ATXN2: variants seen among roughly 807,000 people sequenced by gnomAD.
ATXN2 encodes the protein ataxin 2, also known as ataxin-2.
A neutral mutation model predicts 138.6 loss-of-function variants in ATXN2; 37 were observed. The ratio of observed to expected loss-of-function variants is 0.27; its 90% confidence interval spans 0.21 to 0.35. The LOEUF is 0.35. Ranked by LOEUF, ATXN2 falls within the 10% of genes least tolerant of loss-of-function variation. The pLI is 1.00. For missense variants in ATXN2, 1,216 were observed against 1,480.3 expected (o/e 0.82, Z 2.93); for synonymous variants, 549 against 543.7 (o/e 1.01, Z -0.13).
intron 14 of ATXN2, among the ~76,000 whole-genome samples, chr12:111,502,350 T>G (rs1008768329): frequency 6.6e-6 from 1 of 152,208 alleles, no homozygotes; most frequent in African/African-American, 2.4e-5. Context: ...TCTAATGCTA[T>G]ATTGCTATAT....
chr12:111,511,874 T>C (rs1352625880), intron 11 of ATXN2: 1 of 152,242 alleles, frequency 6.6e-6, no homozygotes, highest in Non-Finnish European at 1.5e-5. Flanking sequence ...TACATGAATG[T>C]GCATCACATG....
chr12:111,474,808 G>C (rs1427025468), intron 18 of ATXN2, among the ~76,000 whole-genome samples: 2 of 152,216 alleles, frequency 1.3e-5, no homozygotes, highest in Admixed American at 6.5e-5. Context: ...GCAAGGCTGA[G>C]AGCGATGGCT....
intron 1 of ATXN2, among the ~76,000 whole-genome samples, chr12:111,564,249 G>C (rs912516224): frequency 6.6e-6 from 1 of 151,874 alleles, no homozygotes; most frequent in Non-Finnish European, 1.5e-5. Context: ...AATTAGCAGA[G>C]GAATCATGCC....
chr12:111,505,025 A>C (rs1879015471), intron 14 of ATXN2, among the ~76,000 whole-genome samples: 1 of 152,076 alleles, frequency 6.6e-6, no homozygotes, highest in Non-Finnish European at 1.5e-5. Context: ...AGTGTTTGAG[A>C]CCAGCCTGGG....
chr12:111,499,169 C>T (rs1328860554), intron 14 of ATXN2, among the ~76,000 whole-genome samples: 1 of 152,132 alleles, frequency 6.6e-6, no homozygotes, highest in Admixed American at 6.6e-5. Context: ...CCCAAAAGTA[C>T]AGGCAACCAA....
At position 111,598,444 on chromosome 12, in the gene ATXN2, G is replaced by A. The variant is rs565594343; in HGVS notation, c.251+340C>T. ...GAGCATCCCCACGCTGCGGGCGGAG[G>A]ATCGTGCGGAAGGGGGAGCCGGGGC... is the stretch of plus-strand genomic sequence containing the variant. On this transcript the variant is annotated intron_variant, in intron 1 of 24. Transcript: ENST00000673436. This position sits in a 1 kb window ranked among gnomAD's most constrained non-coding sequence, Gnocchi z 4.5. 1.1e-4 allele frequency: 108 copies of A among 985,616 alleles called. No individual in the cohort carries two copies. In the South Asian group the frequency reaches 4.0e-3, roughly 37 times the overall value. 61.1% of individuals were successfully genotyped at this position (985,616 alleles called of 1,614,324 possible).
At chr12:111,480,360 AGGCATAAT>A (rs1592813728) in intron 18 of ATXN2, among the ~76,000 whole-genome samples, 1 of 152,230 alleles carries the variant, frequency 6.6e-6, no homozygotes, top group East Asian at 1.9e-4. Flanking sequence ...AAAATTAGCC[AGGCATAAT>A]GGTACAGGCT....
intron 20 of ATXN2, chr12:111,469,757 C>T: frequency 3.2e-6 from 1 of 309,280 alleles, no homozygotes; most frequent in Non-Finnish European, 5.9e-6. Flanking sequence ...CACCTTTATG[C>T]TTTTATTATT....
Position 111,485,737 on chromosome 12 carries a change from T to C in ATXN2, c.2433A>G (p.Pro811=), listed in dbSNP as rs755536163. Residue 811 remains proline (P), a synonymous_variant, in exon 17 of 25, where the codon CCA becomes CCG. Transcript: ENST00000673436. ...CTTGCACGCCTGGGCTCACTGGGAC[T>C]GGATACATCATATTTGGTGCAAAAC... ...PVCFAPNMMY[P]VPVSPGVQPL... The C allele has an allele frequency of 1.9e-6, 3 of 1,614,168 alleles. No individual in the cohort carries two copies. Among genetic ancestry groups the C allele is most frequent in the Admixed American group, 3.3e-5 (2 of 60,014 alleles).
At chr12:111,553,996 T>G (rs993536521) in intron 3 of ATXN2, among the ~76,000 whole-genome samples, 162 bp downstream of exon 3, 2 of 152,122 alleles carry the variant, frequency 1.3e-5, no homozygotes, top group Non-Finnish European at 2.9e-5. Context: ...ATGAATTATA[T>G]TAGACTGGAT....
intron 8 of ATXN2, 146 bp downstream of exon 8, chr12:111,519,733 T>A: frequency 7.1e-7 from 1 of 1,400,944 alleles, no homozygotes; most frequent in Non-Finnish European, 9.5e-7. Flanking sequence ...ACCATAACCT[T>A]TTCTCTAACA....
intron 1 of ATXN2, among the ~76,000 whole-genome samples, chr12:111,559,882 A>T (rs1235843610): frequency 6.6e-6 from 1 of 152,146 alleles, no homozygotes; most frequent in East Asian, 1.9e-4. Flanking sequence ...AAAAACTCAC[A>T]ATCTCTTCCC....
chr12:111,579,695 C>T (rs908309093), intron 1 of ATXN2, among the ~76,000 whole-genome samples: 11 of 150,246 alleles, frequency 7.3e-5, no homozygotes, highest in Non-Finnish European at 1.3e-4. Context: ...ATAGTACAGA[C>T]GACCTTTTTT....
In ATXN2 at chr12:111,598,722, G is replaced by A. The variant is rs1319148079; in HGVS notation, c.251+62C>T. On this transcript the variant is annotated intron_variant, in intron 1 of 24. Coordinates refer to ENST00000673436, the MANE Select transcript of ATXN2 (RefSeq NM_001372574.1). The surrounding 1 kb of genome is among the most constrained non-coding windows in gnomAD (Gnocchi z 4.5). Reference sequence around the variant, plus strand: ...CGGGTCACGGGGCGGGGACGGCGGCGCGGGCCGCGGGGGAGGGGACGCCGG... The same window carrying A: ...CGGGTCACGGGGCGGGGACGGCGGCACGGGCCGCGGGGGAGGGGACGCCGG... The A allele has an allele frequency of 1.0e-5, 10 of 989,774 alleles. No homozygotes were observed. In the Admixed American group the frequency reaches 3.1e-4, roughly 31 times the overall value. 61.3% of individuals were successfully genotyped at this position (989,774 alleles called of 1,614,324 possible).
At chr12:111,580,541 C>T (rs908887153) in intron 1 of ATXN2, among the ~76,000 whole-genome samples, 3 of 148,834 alleles carry the variant, frequency 2.0e-5, no homozygotes, top group Non-Finnish European at 3.0e-5. Context: ...GACAACGGAA[C>T]GGGAGGTGGG....
At chr12:111,513,265 T>TA in intron 11 of ATXN2, 92 bp downstream of exon 11, 1 of 1,426,610 alleles carries the variant, frequency 7.0e-7, no homozygotes. Flanking sequence ...TATACATACT[T>TA]ACACTTCCTC....
At chr12:111,593,598 A>C (rs929855552) in intron 1 of ATXN2, among the ~76,000 whole-genome samples, 1 of 149,880 alleles carries the variant, frequency 6.7e-6, no homozygotes, top group African/African-American at 2.5e-5. Context: ...CTACAGGCTT[A>C]CATTTTTCTC....
chr12:111,585,660 C>A (rs898268480), intron 1 of ATXN2, among the ~76,000 whole-genome samples: 1 of 151,648 alleles, frequency 6.6e-6, no homozygotes, highest in Admixed American at 6.6e-5. Context: ...CAAAAATTAA[C>A]CCGGTGTGTG....
intron 1 of ATXN2, chr12:111,564,854 T>C (rs1882903434): frequency 6.6e-6 from 1 of 152,240 alleles, no homozygotes; most frequent in Admixed American, 6.5e-5. Context: ...GAAAACCTGC[T>C]AGACAAATTC....
Sources: gnomAD v4.1 joint callset for allele counts (sites outside exome capture counted in the v4.1 genomes callset) on GRCh38, gnomAD v4.1.1 for gene constraint, Gnocchi (gnomAD v3.1) non-coding constraint, MANE v1.5 for transcripts, NCBI Gene and HGNC (gene_info 2026-07-23, HGNC 2026-07-21) for gene names.